Variants in FBLN5 observed in about 807,000 individuals in gnomAD.
The protein encoded by FBLN5 is fibulin-5.
A neutral mutation model predicts 61.6 loss-of-function variants in FBLN5; 24 were observed. The ratio of observed to expected loss-of-function variants is 0.39; its 90% CI spans 0.28 to 0.55. The LOEUF is 0.55. FBLN5 is among the 20% of genes least tolerant of loss of function. The pLI is 0.65. For synonymous variants in FBLN5, 213 were observed against 219.8 expected, an observed-to-expected ratio of 0.97 and a Z score of 0.27; for missense variants, 470 against 594.1, an observed-to-expected ratio of 0.79 and a Z score of 2.17.
intron 4 of FBLN5, among the ~76,000 whole-genome samples, chr14:91,914,491 A>C (rs1312609780): frequency 2.0e-5 from 3 of 150,276 alleles, no homozygotes; most frequent in Non-Finnish European, 3.0e-5. Context: ...AAAAAAAAAA[A>C]AAAAAAAAAA....
At chr14:91,877,232 A>T (rs1239348987) in intron 10 of FBLN5, among the ~76,000 whole-genome samples, 2 of 152,196 alleles carry the variant, frequency 1.3e-5, no homozygotes, top group African/African-American at 4.8e-5. Context: ...TTAGGAGAAA[A>T]GAGACCTAAG....
chr14:91,885,858 C>T, intron 7 of FBLN5, among the ~76,000 whole-genome samples: 1 of 152,226 alleles, frequency 6.6e-6, no homozygotes, highest in East Asian at 1.9e-4. Flanking sequence ...CCCCAACTCC[C>T]CAAGGAGTGC....
chr14:91,890,778 C>T (rs1443261469), intron 6 of FBLN5, among the ~76,000 whole-genome samples: 2 of 152,136 alleles, frequency 1.3e-5, no homozygotes, highest in African/African-American at 2.4e-5. Context: ...ACCTCAGAAT[C>T]GCCCACGACA....
chr14:91,887,981 C>T (rs1010325), intron 6 of FBLN5, among the ~76,000 whole-genome samples: 29,297 of 152,070 alleles, frequency 0.19, 2,987 homozygotes, highest in Admixed American at 0.25. Context: ...TATACACTGA[C>T]TATGCATCAA....
intron 10 of FBLN5, among the ~76,000 whole-genome samples, chr14:91,876,154 A>G (rs908293396): frequency 4.6e-5 from 7 of 152,266 alleles, no homozygotes; most frequent in Non-Finnish European, 8.8e-5. Flanking sequence ...ACATGGCTCC[A>G]GAGCTCACAT....
At chr14:91,902,554 G>C (rs1890504843) in intron 4 of FBLN5, among the ~76,000 whole-genome samples, 1 of 152,176 alleles carries the variant, frequency 6.6e-6, no homozygotes, top group African/African-American at 2.4e-5. Flanking sequence ...ATGCAAAACT[G>C]TATCTAAAAT....
At chr14:91,909,835 T>C (rs1300869515) in intron 4 of FBLN5, among the ~76,000 whole-genome samples, 1 of 152,136 alleles carries the variant, frequency 6.6e-6, no homozygotes, top group East Asian at 1.9e-4. Flanking sequence ...ACAGCTGATA[T>C]GATTTAAAAC....
At chr14:91,927,948 G>C (rs1225275096) in intron 4 of FBLN5, among the ~76,000 whole-genome samples, 1 of 152,242 alleles carries the variant, frequency 6.6e-6, no homozygotes. Context: ...AGACTGCCAC[G>C]CTAGACACTG....
At chr14:91,930,726 C>T (rs552637691) in intron 4 of FBLN5, among the ~76,000 whole-genome samples, 33 of 152,276 alleles carry the variant, frequency 2.2e-4, no homozygotes, top group African/African-American at 6.3e-4. Context: ...CTACTTGCCC[C>T]GGCCTTTATG....
In FBLN5 at chr14:91,908,226, C is replaced by T. The variant is rs79261721; in HGVS notation, c.380-13154G>A. Among the ~76,000 whole-genome samples, 1,095 of 152,306 alleles carry T rather than the reference C, an allele frequency of 7.2e-3. 29 individuals carry two copies. The highest frequency in any genetic ancestry group is 0.025 in the African/African-American group (1,046 of 41,576). ...TGTCACTGCTCTGCCTGCACACCTC[C>T]CGTTCTTGACTCCAATCAGGCTTCC... On this transcript the variant is annotated intron_variant, in intron 4 of 10. Transcript: ENST00000342058.
At chr14:91,881,254 A>G in intron 9 of FBLN5, 38 bp downstream of exon 9, 1 of 1,612,958 alleles carries the variant, frequency 6.2e-7, no homozygotes, top group Non-Finnish European at 8.5e-7. Context: ...CCAGGCCCTC[A>G]TCAGGTTTCT....
At chr14:91,888,656 A>G (rs1213644718) in intron 6 of FBLN5, among the ~76,000 whole-genome samples, 3 of 151,778 alleles carry the variant, frequency 2.0e-5, no homozygotes, top group Admixed American at 2.0e-4. Context: ...ACACACACAG[A>G]CACACACACA....
At chr14:91,940,663 T>C in intron 2 of FBLN5, 47 bp from the exon 3 acceptor site, 1 of 1,544,524 alleles carries the variant, frequency 6.5e-7, no homozygotes, top group Non-Finnish European at 8.9e-7. Flanking sequence ...TTTCACACCA[T>C]AAAAGTCTTA....
intron 7 of FBLN5, among the ~76,000 whole-genome samples, chr14:91,885,597 G>GTGGTTGGT (rs570497405): frequency 2.0e-5 from 3 of 152,110 alleles, no homozygotes; most frequent in Non-Finnish European, 2.9e-5. Flanking sequence ...CTCTATGAGG[G>GTGGTTGGT]TGGTTGGTTG....
At chr14:91,894,449 C>T (rs1396900190) in intron 5 of FBLN5, among the ~76,000 whole-genome samples, 4 of 132,854 alleles carry the variant, frequency 3.0e-5, no homozygotes, top group South Asian at 5.2e-4. Context: ...CATTCAAGGC[C>T]GTGCGTGGTG....
chr14:91,880,541 G>A (rs1469756639), intron 9 of FBLN5, among the ~76,000 whole-genome samples: 2 of 151,732 alleles, frequency 1.3e-5, no homozygotes, highest in African/African-American at 2.4e-5. Flanking sequence ...GTGTGTGTGT[G>A]TGTGTGTGTG....
intron 4 of FBLN5, among the ~76,000 whole-genome samples, chr14:91,923,930 G>T (rs1008047117): frequency 6.6e-6 from 1 of 152,216 alleles, no homozygotes; most frequent in African/African-American, 2.4e-5. Context: ...AGCCAACAAA[G>T]TGTCCCATAC....
intron 3 of FBLN5, chr14:91,939,995 C>T (rs60302087): frequency 0.014 from 6,544 of 453,312 alleles, 146 homozygotes; most frequent in East Asian, 0.067. Flanking sequence ...ACGCTTGACT[C>T]GCTGTGTTGG....
chr14:91,919,378 A>G (rs1424677646), intron 4 of FBLN5, among the ~76,000 whole-genome samples: 1 of 62,288 alleles, frequency 1.6e-5, no homozygotes, highest in African/African-American at 5.4e-5. Flanking sequence ...AAAGAAAAGA[A>G]AAGAAAGAAA....
Sources: allele counts gnomAD v4.1 joint callset (sites outside exome capture counted in the v4.1 genomes callset), GRCh38; gene constraint gnomAD v4.1.1; transcripts MANE v1.5; gene names NCBI Gene and HGNC (gene_info 2026-07-23, HGNC 2026-07-21).